GTF2A1: variants seen among roughly 807,000 people sequenced by gnomAD.
GTF2A1 encodes general transcription factor IIA subunit 1.
A neutral mutation model predicts 54.1 loss-of-function variants in GTF2A1; 12 were observed. The observed-to-expected ratio is 0.22, with a 90% CI of 0.14 to 0.36. GTF2A1 has a LOEUF of 0.36. Among genes scored for constraint, GTF2A1 ranks in the 10% least tolerant of loss-of-function variants. The pLI, the probability that GTF2A1 is intolerant of heterozygous loss-of-function variation, is 1.00. For missense variants in GTF2A1, 335 were observed against 442.2 expected, an observed-to-expected ratio of 0.76 and a Z score of 2.17; for synonymous variants, 145 against 152.0, an observed-to-expected ratio of 0.95 and a Z score of 0.34.
intron 7 of GTF2A1, among the ~76,000 whole-genome samples, chr14:81,189,294 A>G (rs145763656): frequency 0.012 from 1,777 of 152,358 alleles, 13 homozygotes; most frequent in Middle Eastern, 0.054. Context: ...TCAAAATACA[A>G]AAAGGAAAAA....
chr14:81,211,769 T>C (rs1460524814), intron 2 of GTF2A1, among the ~76,000 whole-genome samples: 1 of 151,470 alleles, frequency 6.6e-6, no homozygotes, highest in East Asian at 1.9e-4. Context: ...CAAGAAATAA[T>C]GCTGTAGAAA....
In GTF2A1 at chr14:81,179,481, A is replaced by C. The variant is rs1892595300; in HGVS notation, c.*742T>G. The C allele has an allele frequency of 6.6e-6, 1 of 152,236 alleles. No homozygotes were observed. Among genetic ancestry groups the C allele is most frequent in the African/African-American group, 2.4e-5 (1 of 41,468 alleles). The allele number at this position is 152,236 out of a possible 1,614,324, so 9.4% of individuals were successfully genotyped here. A position where few individuals can be genotyped will look rare whatever the true frequency, so the allele number is the denominator to read the frequency against. ...AAGAAACAAATTAAGTTTTTCTGTA[A>C]GGAAATTAAAGTTGTGGTTTCAATT... On this transcript the variant is annotated 3_prime_UTR_variant, in exon 9 of 9. Coordinates refer to ENST00000553612, the MANE Select transcript of GTF2A1 (RefSeq NM_015859.4).
chr14:81,187,163 G>A (rs1566851718), intron 7 of GTF2A1, among the ~76,000 whole-genome samples: 2 of 151,764 alleles, frequency 1.3e-5, no homozygotes, highest in South Asian at 2.1e-4. Context: ...GACCATCCTG[G>A]CTAACACGGT....
rs754481422 is a variant in GTF2A1 at position 81,192,570 on chromosome 14, A to C, written c.882T>G (p.Asp294Glu). Residue 294 changes from aspartate to glutamate, a missense_variant, in exon 7 of 9, where the codon GAT becomes GAG. By Grantham distance (45) the Asp-to-Glu change is conservative (BLOSUM62 2). Coordinates refer to ENST00000553612, the MANE Select transcript of GTF2A1 (RefSeq NM_015859.4). ...DEDEEEDYDDDEEEDKEKDGA... is the reference protein window; with the variant it reads ...DEDEEEDYDDEEEEDKEKDGA... The stretch of plus-strand genomic sequence containing the variant: ...CATCTTTCTCTTTGTCTTCCTCCTC[A>C]TCATCATCATAGTCTTCTTCTTCAT... 25 of 1,611,512 alleles carry C rather than the reference A, an allele frequency of 1.6e-5. No homozygotes were observed. The East Asian group carries it at 2.5e-4, about 16-fold the overall frequency.
chr14:81,220,757 C>A lies in GTF2A1; in HGVS notation c.-239G>T. 1 of 393,708 alleles carries A rather than the reference C, an allele frequency of 2.5e-6. No homozygotes were observed. The highest frequency in any genetic ancestry group is 4.5e-6 in the Non-Finnish European group (1 of 221,630). 24.4% of individuals were successfully genotyped at this position (393,708 alleles called of 1,614,324 possible). Reference sequence around the variant, plus strand: ...CGCCTTAAAAAAAAAAAAAAAGCCACGACCCTTCAGGGGTCCGGGGGGCGT... The same window carrying A: ...CGCCTTAAAAAAAAAAAAAAAGCCAAGACCCTTCAGGGGTCCGGGGGGCGT... On this transcript the variant is annotated 5_prime_UTR_variant, in exon 1 of 9. Coordinates refer to ENST00000553612, the MANE Select transcript of GTF2A1 (RefSeq NM_015859.4).
At chr14:81,194,263 G>T (rs1892942598) in intron 6 of GTF2A1, among the ~76,000 whole-genome samples, 1 of 152,182 alleles carries the variant, frequency 6.6e-6, no homozygotes, top group Non-Finnish European at 1.5e-5. Flanking sequence ...TATGCCTGAT[G>T]ACCTGAATTA....
intron 2 of GTF2A1, among the ~76,000 whole-genome samples, chr14:81,205,393 A>G (rs917034344): frequency 1.3e-5 from 2 of 152,230 alleles, no homozygotes; most frequent in Non-Finnish European, 2.9e-5. Context: ...GTTAAGGTCA[A>G]TTTCCTAGGG....
chr14:81,188,531 C>G (rs8016352), intron 7 of GTF2A1, among the ~76,000 whole-genome samples: 115,650 of 152,076 alleles, frequency 0.76, 44,631 homozygotes, highest in Middle Eastern at 0.87. Context: ...CAGTACTTTG[C>G]GAGGCCGAGG....
rs1893171752 is a variant in GTF2A1, at chr14:81,203,948, G to A, written c.289C>T (p.Pro97Ser). The A allele has an allele frequency of 6.2e-7, 1 of 1,614,096 alleles. No individual in the cohort carries two copies. Among genetic ancestry groups the A allele is most frequent in the Non-Finnish European group, 8.5e-7 (1 of 1,179,996 alleles). Residue 97 changes from proline (P) to serine (S), a missense_variant, in exon 3 of 9, where the codon CCT becomes TCT. Coordinates refer to ENST00000553612, the MANE Select transcript of GTF2A1 (RefSeq NM_015859.4). ...HQQAQPQQTV[P>S]QQAQTQQVLI... is the part of the protein sequence containing the mutation. ...ACCTGCTGGGTCTGCGCTTGCTGAGGTACTGTCTGCTGAGGCTGAGCTTGC... is the reference window on the plus strand; with the variant it reads ...ACCTGCTGGGTCTGCGCTTGCTGAGATACTGTCTGCTGAGGCTGAGCTTGC...
rs1892591182 is a variant in GTF2A1, at chr14:81,179,238, C to T, written c.*985G>A. The T allele has an allele frequency of 6.6e-6, 1 of 152,066 alleles. No individual in the cohort carries two copies. Among genetic ancestry groups the T allele is most frequent in the Non-Finnish European group, 1.5e-5 (1 of 68,008 alleles). The allele number at this position is 152,066 out of a possible 1,614,324, so 9.4% of individuals were successfully genotyped here. On this transcript the variant is annotated 3_prime_UTR_variant, in exon 9 of 9. Transcript: ENST00000553612. ...ATTACTAAACTGTTTAATAAAAATCCAGGTCCTCACCACCTGCCCTATGCT... is the reference window on the plus strand; with the variant it reads ...ATTACTAAACTGTTTAATAAAAATCTAGGTCCTCACCACCTGCCCTATGCT...
At chr14:81,195,109 C>G (rs1595215504) in intron 6 of GTF2A1, among the ~76,000 whole-genome samples, 1 of 145,482 alleles carries the variant, frequency 6.9e-6, no homozygotes, top group African/African-American at 2.6e-5. Context: ...CATTGCACTC[C>G]ACCCTAGGTG....
rs972321737 is a variant in GTF2A1, at chr14:81,220,824, G to A, written c.-306C>T. 5.0e-5 allele frequency: 16 copies of A among 321,294 alleles called. No individual in the cohort carries two copies. The highest frequency in any genetic ancestry group is 8.5e-5 in the Non-Finnish European group (15 of 177,050). The allele number at this position is 321,294 out of a possible 1,614,324, so 19.9% of individuals were successfully genotyped here. On this transcript the variant is annotated 5_prime_UTR_variant, in exon 1 of 9. Coordinates refer to ENST00000553612, the MANE Select transcript of GTF2A1 (RefSeq NM_015859.4). ...CGCGCCAAGGAGGGAAACCACCACC[G>A]GTCACCGCTCCCTGCGCCGCCGCTG... is the stretch of plus-strand genomic sequence containing the variant.
chr14:81,210,044 TCCCACAAGAAATATGC>T, intron 2 of GTF2A1: 1 of 137,446 alleles, frequency 7.3e-6, no homozygotes. Flanking sequence ...TACAGAATGG[TCCCACAAGAAATATGC>T]AGGAATTGCA....
chr14:81,203,243 T>C (rs959219871), intron 3 of GTF2A1, among the ~76,000 whole-genome samples: 6 of 152,224 alleles, frequency 3.9e-5, no homozygotes, highest in Non-Finnish European at 7.4e-5. Flanking sequence ...TAAAATGACT[T>C]GCAGAGTACA....
At position 81,178,818 on chromosome 14, in the gene GTF2A1, A is replaced by C. The variant is rs930645679; in HGVS notation, c.*1405T>G. ...TAAATTTTGTCAAGATAAACCATGG[A>C]AAGTTGAATTCGTTGTAAGAACACA... On this transcript the variant is annotated 3_prime_UTR_variant, in exon 9 of 9. Coordinates refer to ENST00000553612, the MANE Select transcript of GTF2A1 (RefSeq NM_015859.4). 6.6e-6 allele frequency: 1 copy of C among 152,330 alleles called. No individual in the cohort carries two copies. Among genetic ancestry groups the C allele is most frequent in the African/African-American group, 2.4e-5 (1 of 41,574 alleles). 9.4% of individuals were successfully genotyped at this position (152,330 alleles called of 1,614,324 possible). A position where few individuals can be genotyped will look rare whatever the true frequency, so the allele number is the denominator to read the frequency against.
rs938666463 is a variant in GTF2A1 at position 81,208,898 on chromosome 14, CTG to C, written c.133-4796_133-4795del. Among the ~76,000 whole-genome samples the C allele has an allele frequency of 1.8e-3, 279 of 152,320 alleles. 1 individual carries two copies. Among genetic ancestry groups the C allele is most frequent in the Non-Finnish European group, 1.7e-3 (118 of 68,032 alleles). ...TGGAACAGCTTTATTTACCCAATAACTGTACCCCCATTGTATCTAGGAAGTAA... is the reference window on the plus strand; with the variant it reads ...TGGAACAGCTTTATTTACCCAATAACTACCCCCATTGTATCTAGGAAGTAA... On this transcript the variant is annotated intron_variant, in intron 2 of 8. Transcript: ENST00000553612.
chr14:81,210,744 G>A (rs574237614), intron 2 of GTF2A1, among the ~76,000 whole-genome samples: 47 of 152,054 alleles, frequency 3.1e-4, no homozygotes, highest in African/African-American at 8.0e-4. Flanking sequence ...TAGTAGATAC[G>A]GGGTTTCACC....
intron 6 of GTF2A1, 66 bp downstream of exon 6, chr14:81,196,042 C>G: frequency 6.9e-7 from 1 of 1,439,678 alleles, no homozygotes; most frequent in Non-Finnish European, 9.7e-7. Context: ...GAGAGGGAAA[C>G]TACCCAGGGA....
In GTF2A1 at chr14:81,189,360, T is replaced by A. The variant is rs532295537; in HGVS notation, c.933+3159A>T. 2.6e-5 allele frequency among the ~76,000 whole-genome samples: 4 copies of A among 152,006 alleles called. 1 individual carries two copies. On this transcript the variant is annotated intron_variant, in intron 7 of 8. Coordinates refer to ENST00000553612, the MANE Select transcript of GTF2A1 (RefSeq NM_015859.4). ...TACCATAGCAGGAAACATGAACATATCTCACTCAGTAGTAAAAAATGGATC... is the reference window on the plus strand; with the variant it reads ...TACCATAGCAGGAAACATGAACATAACTCACTCAGTAGTAAAAAATGGATC...
Sources: gnomAD v4.1 joint callset for allele counts (sites outside exome capture counted in the v4.1 genomes callset) on GRCh38, gnomAD v4.1.1 for gene constraint, MANE v1.5 for transcripts, NCBI Gene and HGNC (gene_info 2026-07-23, HGNC 2026-07-21) for gene names.